The following ATP8A2 variants were observed in gnomAD, a reference collection of about 807,000 sequenced individuals.
The protein encoded by ATP8A2 is phospholipid-transporting ATPase IB.
ATP8A2 carries 100 observed loss-of-function variants against 165.6 expected under a neutral mutation model. That is an observed-to-expected ratio of 0.60 (90% confidence interval 0.51 to 0.71). The LOEUF (loss-of-function observed/expected upper bound fraction) is 0.71. ATP8A2 is among the 30% of genes least tolerant of loss of function. The probability of loss-of-function intolerance (pLI) is 0.00; values close to 1 mark genes in which losing one functional copy is unlikely to be tolerated. For missense variants in ATP8A2, 1,227 were observed against 1,479.5 expected (o/e 0.83, Z 2.80); for synonymous variants, 543 against 548.8 (o/e 0.99, Z 0.15).
At position 25,667,315 on chromosome 13, in the gene ATP8A2, G is replaced by A. The variant is rs141332339; in HGVS notation, c.2212-31858G>A. ...TTGAACCCCAGCATGGCAGTATTGG[G>A]AAGTGGAGCCTACTGGAAGGTGTTT... On this transcript the variant is annotated intron_variant, in intron 24 of 36. Transcript: ENST00000381655. 2.3e-4 allele frequency among the ~76,000 whole-genome samples: 35 copies of A among 152,214 alleles called. 1 individual carries two copies. The highest frequency in any genetic ancestry group is 8.4e-4 in the African/African-American group (35 of 41,534).
intron 2 of ATP8A2, among the ~76,000 whole-genome samples, chr13:25,492,450 C>T (rs897374668): frequency 6.6e-5 from 10 of 152,178 alleles, no homozygotes; most frequent in African/African-American, 2.4e-4. Flanking sequence ...AATTTTGCCA[C>T]ATAGAGAAGG....
At chr13:25,608,315 A>G (rs945520625) in intron 24 of ATP8A2, among the ~76,000 whole-genome samples, 4 of 152,236 alleles carry the variant, frequency 2.6e-5, no homozygotes, top group African/African-American at 9.6e-5. Flanking sequence ...CATAGCGTGC[A>G]TATTTAATTT....
At chr13:25,407,753 A>T (rs2033847690) in intron 1 of ATP8A2, among the ~76,000 whole-genome samples, 1 of 152,188 alleles carries the variant, frequency 6.6e-6, no homozygotes. Flanking sequence ...AGGGGTTAAG[A>T]AAGACTTCCT....
intron 2 of ATP8A2, among the ~76,000 whole-genome samples, chr13:25,502,440 G>A (rs541766880): frequency 1.3e-5 from 2 of 152,262 alleles, no homozygotes; most frequent in South Asian, 2.1e-4. Context: ...GCGTGTGTTC[G>A]TTTTTCTGTG....
In ATP8A2 at chr13:25,429,468, C is replaced by A. The variant is rs545364510; in HGVS notation, c.77-39509C>A. Among the ~76,000 whole-genome samples, 32 of 152,010 alleles carry A rather than the reference C, an allele frequency of 2.1e-4. 2 individuals carry two copies. The South Asian group carries it at 5.0e-3, about 24-fold the overall frequency. ...TTCTGGGGGATTCACCCCATTCTCC[C>A]CAAGAAGGAAAATGGTCAGCTGGAT... On this transcript the variant is annotated intron_variant, in intron 1 of 36. Transcript: ENST00000381655.
intron 33 of ATP8A2, among the ~76,000 whole-genome samples, chr13:25,912,682 A>G (rs948425635): frequency 1.3e-5 from 2 of 152,222 alleles, no homozygotes; most frequent in African/African-American, 4.8e-5. Context: ...GTGAATTTAC[A>G]ACCTAAATTT....
At chr13:25,889,188 C>T (rs1239772186) in intron 33 of ATP8A2, among the ~76,000 whole-genome samples, 3 of 143,934 alleles carry the variant, frequency 2.1e-5, no homozygotes, top group Middle Eastern at 7.5e-3. Context: ...TTCCCCATTT[C>T]CTAATAGGAA....
At chr13:25,651,411 C>G (rs887406680) in intron 24 of ATP8A2, among the ~76,000 whole-genome samples, 1 of 151,960 alleles carries the variant, frequency 6.6e-6, no homozygotes, top group African/African-American at 2.4e-5. Context: ...CCACTGCACT[C>G]CAGCCTGGCG....
At chr13:26,012,328 G>C (rs532204296) in intron 35 of ATP8A2, among the ~76,000 whole-genome samples, 18 of 152,282 alleles carry the variant, frequency 1.2e-4, no homozygotes, top group Non-Finnish European at 2.4e-4. Flanking sequence ...GGAGGGACTG[G>C]AAACGGCGTT....
At chr13:25,811,005 A>G (rs1221390030) in intron 27 of ATP8A2, among the ~76,000 whole-genome samples, 1 of 152,090 alleles carries the variant, frequency 6.6e-6, no homozygotes, top group Non-Finnish European at 1.5e-5. Context: ...ATGTTATGGT[A>G]TCTTAAGGGA....
intron 33 of ATP8A2, chr13:25,868,107 G>T: frequency 2.2e-6 from 1 of 456,586 alleles, no homozygotes; most frequent in South Asian, 1.5e-5. Context: ...CCAAGTGCGG[G>T]TGTTGGGATG....
In ATP8A2 at chr13:25,892,806, G is replaced by GTT. The variant is rs35638068; in HGVS notation, c.3183+30409_3183+30410dup. On this transcript the variant is annotated intron_variant, in intron 33 of 36. Transcript: ENST00000381655. Reference sequence around the variant, plus strand: ...TGAAGCACAGACTTTTTTTTAGTCTGTTTTTTTTTTTTCGCATCAAAATGA... The same window carrying GTT: ...TGAAGCACAGACTTTTTTTTAGTCTGTTTTTTTTTTTTTTCGCATCAAAATGA... Among the ~76,000 whole-genome samples the GTT allele has an allele frequency of 4.0e-3, 576 of 142,304 alleles. 3 individuals carry two copies. Among genetic ancestry groups the GTT allele is most frequent in the African/African-American group, 0.013 (511 of 39,062 alleles). 93.4% of individuals were successfully genotyped at this position (142,304 alleles called of 152,430 possible).
At chr13:25,626,851 T>G (rs1008669138) in intron 24 of ATP8A2, among the ~76,000 whole-genome samples, 4 of 152,090 alleles carry the variant, frequency 2.6e-5, no homozygotes, top group Non-Finnish European at 4.4e-5. Context: ...AACAAAGGCA[T>G]GTCTTACATG....
At chr13:25,700,868 CGCTA>C (rs1377365555) in intron 25 of ATP8A2, among the ~76,000 whole-genome samples, 2 of 152,116 alleles carry the variant, frequency 1.3e-5, no homozygotes, top group Non-Finnish European at 2.9e-5. Context: ...TAACACTTGT[CGCTA>C]GCTATCTTTT....
chr13:25,573,816 A>T (rs2039538073), intron 18 of ATP8A2, among the ~76,000 whole-genome samples: 1 of 152,024 alleles, frequency 6.6e-6, no homozygotes, highest in African/African-American at 2.4e-5. Flanking sequence ...GAAGTGAATA[A>T]AGATTGATGA....
At chr13:25,894,818 T>A (rs1368917154) in intron 33 of ATP8A2, among the ~76,000 whole-genome samples, 1 of 152,204 alleles carries the variant, frequency 6.6e-6, no homozygotes, top group Non-Finnish European at 1.5e-5. Context: ...AGTTCACTCA[T>A]GATTTGGCTC....
intron 1 of ATP8A2, among the ~76,000 whole-genome samples, chr13:25,383,176 G>T (rs2032916836): frequency 6.6e-6 from 1 of 151,876 alleles, no homozygotes; most frequent in Non-Finnish European, 1.5e-5. Context: ...CTCCCAAGTA[G>T]CTGGGACTAC....
chr13:25,532,432 A>G, intron 5 of ATP8A2, 115 bp downstream of exon 5: 1 of 675,228 alleles, frequency 1.5e-6, no homozygotes, highest in Non-Finnish European at 2.5e-6. Context: ...AAGATGATCT[A>G]TAAAATAAAG....
At chr13:25,460,752 T>A (rs1389193726) in intron 1 of ATP8A2, among the ~76,000 whole-genome samples, 1 of 152,208 alleles carries the variant, frequency 6.6e-6, no homozygotes, top group Admixed American at 6.5e-5. Flanking sequence ...CACCAGCACG[T>A]GTCCCTGCTC....
Sources: allele counts gnomAD v4.1 joint callset (sites outside exome capture counted in the v4.1 genomes callset), GRCh38; gene constraint gnomAD v4.1.1; transcripts MANE v1.5; gene names NCBI Gene and HGNC (gene_info 2026-07-23, HGNC 2026-07-21).